Variants in CACNA2D3 observed in about 807,000 individuals in gnomAD.
CACNA2D3 encodes the protein voltage-dependent calcium channel subunit alpha-2/delta-3.
A neutral mutation model predicts 160.6 loss-of-function variants in CACNA2D3; 60 were observed. That is an observed-to-expected ratio of 0.37 (90% CI 0.30 to 0.46). CACNA2D3 has a LOEUF of 0.46. Ranked by LOEUF, CACNA2D3 falls within the 20% of genes least tolerant of loss-of-function variation. The pLI is 1.00. For missense variants in CACNA2D3, 1,205 were observed against 1,365.0 expected, an observed-to-expected ratio of 0.88 and a Z score of 1.85; for synonymous variants, 558 against 492.9, an observed-to-expected ratio of 1.13 and a Z score of -1.75.
At chr3:54,238,032 C>A (rs1362820096) in intron 2 of CACNA2D3, among the ~76,000 whole-genome samples, 1 of 152,140 alleles carries the variant, frequency 6.6e-6, no homozygotes, top group Non-Finnish European at 1.5e-5. Flanking sequence ...CTTGCAGCAG[C>A]CCTTGATGCA....
intron 2 of CACNA2D3, among the ~76,000 whole-genome samples, chr3:54,165,009 C>T (rs1204102563): frequency 6.6e-6 from 1 of 152,088 alleles, no homozygotes; most frequent in Non-Finnish European, 1.5e-5. Flanking sequence ...TTTCACCTTT[C>T]CTTGTGGAAA....
chr3:54,808,375 T>C (rs1703190388), intron 13 of CACNA2D3, among the ~76,000 whole-genome samples: 1 of 152,132 alleles, frequency 6.6e-6, no homozygotes, highest in South Asian at 2.1e-4. Context: ...TCCCTGCTGT[T>C]GACTTCACTC....
chr3:54,191,821 G>T (rs1700988778), intron 2 of CACNA2D3, among the ~76,000 whole-genome samples: 1 of 152,190 alleles, frequency 6.6e-6, no homozygotes, highest in Non-Finnish European at 1.5e-5. Context: ...CGTGAAGAGA[G>T]AATGTACACA....
At chr3:55,043,384 T>C (rs1160851698) in intron 35 of CACNA2D3, among the ~76,000 whole-genome samples, 1 of 151,674 alleles carries the variant, frequency 6.6e-6, no homozygotes, top group East Asian at 1.9e-4. Flanking sequence ...CATCTCATTG[T>C]GGTTTTGCAC....
At chr3:54,717,826 GGT>G (rs1280052328) in intron 11 of CACNA2D3, among the ~76,000 whole-genome samples, 12 of 142,208 alleles carry the variant, frequency 8.4e-5, no homozygotes, top group East Asian at 4.4e-4. Context: ...GCGTGTGTGT[GGT>G]GTGTGTGCGT....
rs1456349507 is a variant in CACNA2D3 at position 54,122,827 on chromosome 3, G to A, written c.114G>A (p.Pro38=). 4.1e-6 allele frequency: 5 copies of A among 1,230,938 alleles called. No homozygotes were observed. In the Admixed American group the frequency reaches 1.7e-4, roughly 42 times the overall value. 76.3% of individuals were successfully genotyped at this position (1,230,938 alleles called of 1,614,324 possible). Residue 38 remains proline, a synonymous_variant, in exon 1 of 38, where the codon CCG becomes CCA. Coordinates refer to ENST00000474759, the MANE Select transcript of CACNA2D3 (RefSeq NM_018398.3). ...GDVVRSEQQI[P]LSVVKLWASA... is the part of the protein sequence containing the mutation. Reference sequence around the variant, plus strand: ...TGGTGCGCTCGGAGCAGCAGATACCGCTCTCCGTGTAAGTGCCGGCTCCTG... The same window carrying A: ...TGGTGCGCTCGGAGCAGCAGATACCACTCTCCGTGTAAGTGCCGGCTCCTG...
At chr3:54,820,081 AAGAG>A (rs1374055725) in intron 14 of CACNA2D3, among the ~76,000 whole-genome samples, 1 of 152,134 alleles carries the variant, frequency 6.6e-6, no homozygotes, top group Non-Finnish European at 1.5e-5. Flanking sequence ...CCAGGGGTGA[AAGAG>A]AGGCACCCCC....
chr3:54,616,803 T>G (rs1279502239), intron 9 of CACNA2D3, among the ~76,000 whole-genome samples: 1 of 152,168 alleles, frequency 6.6e-6, no homozygotes, highest in Non-Finnish European at 1.5e-5. Flanking sequence ...TGATGTGAAT[T>G]CATTCTCTCA....
chr3:54,319,022 C>T (rs1009053934), intron 2 of CACNA2D3, among the ~76,000 whole-genome samples: 1 of 152,126 alleles, frequency 6.6e-6, no homozygotes, highest in African/African-American at 2.4e-5. Flanking sequence ...GAAGAATTCT[C>T]TCTTTACATT....
chr3:54,789,568 T>G (rs1169428700), intron 13 of CACNA2D3, among the ~76,000 whole-genome samples: 1 of 152,146 alleles, frequency 6.6e-6, no homozygotes, highest in Non-Finnish European at 1.5e-5. Context: ...GCTGGGAAAA[T>G]CCATGAAGCT....
intron 5 of CACNA2D3, among the ~76,000 whole-genome samples, chr3:54,518,951 A>T (rs971924941): frequency 1.9e-4 from 7 of 35,920 alleles, no homozygotes; most frequent in African/African-American, 8.6e-4. Context: ...TGAGAAATTG[A>T]GGGGGGAGAA....
At chr3:54,787,528 G>T (rs1702664895) in intron 13 of CACNA2D3, among the ~76,000 whole-genome samples, 1 of 152,192 alleles carries the variant, frequency 6.6e-6, no homozygotes, top group Non-Finnish European at 1.5e-5. Context: ...CAGATTATTA[G>T]GAGAAAGGTT....
At chr3:54,709,679 T>C (rs905866311) in intron 11 of CACNA2D3, among the ~76,000 whole-genome samples, 2 of 152,178 alleles carry the variant, frequency 1.3e-5, no homozygotes, top group Non-Finnish European at 2.9e-5. Context: ...CATCACAGAA[T>C]TTTGGGAGGC....
At chr3:54,839,101 C>A (rs1418795636) in intron 16 of CACNA2D3, among the ~76,000 whole-genome samples, 1 of 152,090 alleles carries the variant, frequency 6.6e-6, no homozygotes, top group Non-Finnish European at 1.5e-5. Context: ...ACTAAAAATA[C>A]AAAACAATTA....
At position 54,451,342 on chromosome 3, in the gene CACNA2D3, C is replaced by T. The variant is rs531147444; in HGVS notation, c.382-52150C>T. On this transcript the variant is annotated intron_variant, in intron 4 of 37. Coordinates refer to ENST00000474759, the MANE Select transcript of CACNA2D3 (RefSeq NM_018398.3). ...TTGGCTCACTGCAAGCTCTGCCTAC[C>T]GGGTTCAAGAGATTTTCCTGCCTCA... 9.2e-5 allele frequency among the ~76,000 whole-genome samples: 13 copies of T among 140,548 alleles called. 1 individual carries two copies. Among genetic ancestry groups the T allele is most frequent in the East Asian group, 6.6e-4 (3 of 4,538 alleles). The allele number at this position is 140,548 out of a possible 152,430, so 92.2% of individuals were successfully genotyped here. A position where few individuals can be genotyped will look rare whatever the true frequency, so the allele number is the denominator to read the frequency against.
intron 23 of CACNA2D3, among the ~76,000 whole-genome samples, chr3:54,887,619 G>A (rs1329488457): frequency 6.6e-6 from 1 of 152,244 alleles, no homozygotes; most frequent in East Asian, 1.9e-4. Context: ...ACAGCCAAGT[G>A]TTCAAGGAGT....
intron 11 of CACNA2D3, among the ~76,000 whole-genome samples, chr3:54,717,878 G>A (rs188082727): frequency 4.7e-4 from 68 of 144,766 alleles, no homozygotes; most frequent in African/African-American, 1.7e-3. Context: ...GTGTGTGGTG[G>A]GTGTGTGTGC....
intron 35 of CACNA2D3, among the ~76,000 whole-genome samples, chr3:55,025,100 A>C (rs1016986616): frequency 6.6e-6 from 1 of 152,210 alleles, no homozygotes; most frequent in Non-Finnish European, 1.5e-5. Flanking sequence ...TTTCTATTCT[A>C]AGTGAGAAAA....
At chr3:54,475,234 T>C (rs980299134) in intron 4 of CACNA2D3, among the ~76,000 whole-genome samples, 1 of 152,154 alleles carries the variant, frequency 6.6e-6, no homozygotes, top group Non-Finnish European at 1.5e-5. Context: ...CTGTCCCTTT[T>C]GTGAGTTGCA....
Sources: gnomAD v4.1 joint callset for allele counts (sites outside exome capture counted in the v4.1 genomes callset) on GRCh38, gnomAD v4.1.1 for gene constraint, MANE v1.5 for transcripts, NCBI Gene and HGNC (gene_info 2026-07-23, HGNC 2026-07-21) for gene names.